Variants in RNASEH2B observed in about 807,000 individuals in gnomAD.
RNASEH2B encodes ribonuclease H2 subunit B.
Under a neutral mutation model 45.0 loss-of-function variants are expected in RNASEH2B, and 36 were observed. The observed-to-expected ratio is 0.80, with a 90% confidence interval of 0.61 to 1.06. The LOEUF (loss-of-function observed/expected upper bound fraction) is 1.06, where lower values mean the gene tolerates loss of function less well. RNASEH2B is among the 50% of genes least tolerant of loss of function. The probability of loss-of-function intolerance (pLI) is 0.00; values close to 1 mark genes in which losing one functional copy is unlikely to be tolerated. For missense variants in RNASEH2B, 361 were observed against 360.3 expected (o/e 1.00, Z -0.02); for synonymous variants, 119 against 125.7 (o/e 0.95, Z 0.35).
In RNASEH2B at chr13:50,969,989, GGC is replaced by G. The variant is rs1355741536; in HGVS notation, c.*27_*28del. On this transcript the variant is annotated 3_prime_UTR_variant, in exon 10 of 10. Transcript: ENST00000422660. ...ATGGTGGTGGCTCCACGCAAGGCTTGGCGGTTTTCCCTGCAACTTCAGACACT... is the reference window on the plus strand; with the variant it reads ...ATGGTGGTGGCTCCACGCAAGGCTTGGGTTTTCCCTGCAACTTCAGACACT... The G allele has an allele frequency of 5.8e-6, 9 of 1,551,068 alleles. No individual in the cohort carries two copies. The African/African-American group carries it at 1.2e-4, about 21-fold the overall frequency.
chr13:50,950,393 A>T (rs1468279687), intron 9 of RNASEH2B: 4 of 152,194 alleles, frequency 2.6e-5, no homozygotes, highest in African/African-American at 9.7e-5. Flanking sequence ...CATTGTCCTT[A>T]GAAAAGGACA....
chr13:50,942,504 T>G (rs1277768110), intron 5 of RNASEH2B: 1 of 152,208 alleles, frequency 6.6e-6, no homozygotes, highest in Non-Finnish European at 1.5e-5. Context: ...ACTTCATAGA[T>G]ACCTGCATTT....
Position 50,969,797 on chromosome 13 carries a change from G to A in RNASEH2B, c.742-135G>A, listed in dbSNP as rs3958760. 3.4e-3 allele frequency: 2,675 copies of A among 795,538 alleles called. 47 individuals are homozygous for A. The African/African-American group carries it at 0.043, about 13-fold the overall frequency. 49.3% of individuals were successfully genotyped at this position (795,538 alleles called of 1,614,324 possible). A position where few individuals can be genotyped will look rare whatever the true frequency, so the allele number is the denominator to read the frequency against. Reference sequence around the variant, plus strand: ...GTGTCTGAGGTCATCTCTTAGAAGCGAAAATGCTCAGCTGCCCTCAGGACT... The same window carrying A: ...GTGTCTGAGGTCATCTCTTAGAAGCAAAAATGCTCAGCTGCCCTCAGGACT... On this transcript the variant is annotated intron_variant, in intron 9 of 9. Transcript: ENST00000422660.
chr13:50,934,068 C>G (rs1298698704), intron 4 of RNASEH2B: 1 of 152,176 alleles, frequency 6.6e-6, no homozygotes, highest in African/African-American at 2.4e-5. Context: ...AGAGGTAGAG[C>G]GAGCTAGAAG....
chr13:50,913,242 T>G (rs1410286582), intron 1 of RNASEH2B: 1 of 152,248 alleles, frequency 6.6e-6, no homozygotes, highest in Non-Finnish European at 1.5e-5. Context: ...CTTTACTTTT[T>G]GGAAAGTAGT....
intron 5 of RNASEH2B, chr13:50,937,247 G>C (rs1292842169): frequency 6.6e-6 from 1 of 151,900 alleles, no homozygotes; most frequent in Non-Finnish European, 1.5e-5. Flanking sequence ...TTTAAGACAA[G>C]GTCTTGCTCT....
intron 1 of RNASEH2B, among the ~76,000 whole-genome samples, chr13:50,919,058 T>A (rs897587563): frequency 6.6e-6 from 1 of 152,166 alleles, no homozygotes; most frequent in Non-Finnish European, 1.5e-5. Flanking sequence ...GTGCCAAAAA[T>A]CAGAGAGGCT....
chr13:50,966,377 C>T (rs1376716438), intron 9 of RNASEH2B, among the ~76,000 whole-genome samples: 1 of 152,112 alleles, frequency 6.6e-6, no homozygotes, highest in African/African-American at 2.4e-5. Flanking sequence ...ATCCTTTGGC[C>T]CTTTGCTTCT....
chr13:50,915,529 G>C, intron 1 of RNASEH2B: 1 of 398,546 alleles, frequency 2.5e-6, no homozygotes, highest in East Asian at 3.6e-5. Flanking sequence ...ATTCATTTAA[G>C]TGCCATTTTT....
rs773756574 is a variant in RNASEH2B, at chr13:50,927,380, T to G, written c.65-27T>G. The G allele has an allele frequency of 5.1e-5, 70 of 1,362,702 alleles. 1 individual carries two copies. The highest frequency in any genetic ancestry group is 7.3e-5 in the Non-Finnish European group (69 of 951,714). The allele number at this position is 1,362,702 out of a possible 1,614,324, so 84.4% of individuals were successfully genotyped here. A position where few individuals can be genotyped will look rare whatever the true frequency, so the allele number is the denominator to read the frequency against. Reference sequence around the variant, plus strand: ...GCAACAAAACAGCTGTGTGTTTTAATTTTAGATATTCACGGTTTATTTTCA... The same window carrying G: ...GCAACAAAACAGCTGTGTGTTTTAAGTTTAGATATTCACGGTTTATTTTCA... On this transcript the variant is annotated intron_variant, in intron 1 of 10. Coordinates refer to ENST00000336617, the MANE Select transcript of RNASEH2B (RefSeq NM_024570.4).
At chr13:50,929,822 C>T (rs1339710141) in intron 3 of RNASEH2B, among the ~76,000 whole-genome samples, 1 of 152,140 alleles carries the variant, frequency 6.6e-6, no homozygotes, top group African/African-American at 2.4e-5. Flanking sequence ...TGATTTGTCT[C>T]CTAAAACAGT....
intron 5 of RNASEH2B, chr13:50,937,316 G>A (rs1422590088): frequency 6.6e-6 from 1 of 151,970 alleles, no homozygotes; most frequent in Non-Finnish European, 1.5e-5. Context: ...CAATCTCTGG[G>A]GCTCAAGCAA....
chr13:50,935,005 G>C lies in RNASEH2B; in HGVS notation c.436+6G>C, dbSNP rs1334165925. The C allele has an allele frequency of 1.3e-6, 2 of 1,585,790 alleles. No individual in the cohort carries two copies. Among genetic ancestry groups the C allele is most frequent in the Admixed American group, 3.3e-5 (2 of 59,916 alleles). ...TCATGTGACAGAGGAAAAAGGTATG[G>C]TATAACTTAAAGGCTTATGGCTGGT... On this transcript the variant is annotated splice_donor_region_variant and intron_variant, in intron 5 of 10. Transcript: ENST00000336617.
At chr13:50,925,774 C>T (rs1347010365) in intron 1 of RNASEH2B, among the ~76,000 whole-genome samples, 2 of 152,166 alleles carry the variant, frequency 1.3e-5, no homozygotes, top group Non-Finnish European at 2.9e-5. Context: ...GTAGGACCCT[C>T]TGCAGATCTC....
rs1951612703 is a variant in RNASEH2B, at chr13:50,927,391, CA to C, written c.65-15del. 6.8e-7 allele frequency: 1 copy of C among 1,473,040 alleles called. No individual in the cohort carries two copies. Among genetic ancestry groups the C allele is most frequent in the Non-Finnish European group, 9.5e-7 (1 of 1,052,186 alleles). 91.2% of individuals were successfully genotyped at this position (1,473,040 alleles called of 1,614,324 possible). A position where few individuals can be genotyped will look rare whatever the true frequency, so the allele number is the denominator to read the frequency against. Reference sequence around the variant, plus strand: ...GCTGTGTGTTTTAATTTTAGATATTCACGGTTTATTTTCAGAATATTTAAAA... The same window carrying C: ...GCTGTGTGTTTTAATTTTAGATATTCCGGTTTATTTTCAGAATATTTAAAA... On this transcript the variant is annotated splice_polypyrimidine_tract_variant and intron_variant, in intron 1 of 10. Coordinates refer to ENST00000336617, the MANE Select transcript of RNASEH2B (RefSeq NM_024570.4).
At chr13:50,928,906 A>G (rs927295622) in intron 2 of RNASEH2B, among the ~76,000 whole-genome samples, 16 of 146,544 alleles carry the variant, frequency 1.1e-4, no homozygotes, top group Non-Finnish European at 2.4e-4. Flanking sequence ...AGATGTGCAC[A>G]GTCTTCACCC....
intron 4 of RNASEH2B, among the ~76,000 whole-genome samples, chr13:50,932,707 G>C (rs958488825): frequency 1.3e-5 from 2 of 152,202 alleles, no homozygotes; most frequent in East Asian, 3.9e-4. Context: ...TGAGTGATAA[G>C]TGTCACTCAA....
In RNASEH2B at chr13:50,953,988, A is replaced by T; in HGVS notation, c.822+3A>T. 1.9e-6 allele frequency: 3 copies of T among 1,579,100 alleles called. No individual in the cohort carries two copies. The South Asian group carries it at 3.3e-5, about 17-fold the overall frequency. ...CTAAAGATTTGAAGACTGAAAAGGT[A>T]TGTGGGTTCAGGTGTAGTGGTGTTT... On this transcript the variant is annotated splice_donor_region_variant and intron_variant, in intron 10 of 10. Coordinates refer to ENST00000336617, the MANE Select transcript of RNASEH2B (RefSeq NM_024570.4).
At chr13:50,920,188 G>T (rs1951505479) in intron 1 of RNASEH2B, among the ~76,000 whole-genome samples, 1 of 152,162 alleles carries the variant, frequency 6.6e-6, no homozygotes, top group Non-Finnish European at 1.5e-5. Flanking sequence ...GGGATTACAG[G>T]CATGTGCCAC....
Sources: allele counts gnomAD v4.1 joint callset (sites outside exome capture counted in the v4.1 genomes callset), GRCh38; gene constraint gnomAD v4.1.1; transcripts MANE v1.5; gene names NCBI Gene and HGNC (gene_info 2026-07-23, HGNC 2026-07-21).